Variants in DST observed in about 807,000 individuals in gnomAD.
DST encodes bullous pemphigoid antigen.
DST carries 253 observed loss-of-function variants against 875.2 expected under a neutral mutation model. The ratio of observed to expected loss-of-function variants is 0.29; its 90% confidence interval spans 0.26 to 0.32. DST has a LOEUF of 0.32. DST is among the 10% of genes least tolerant of loss of function. The probability of loss-of-function intolerance (pLI) is 1.00; values close to 1 mark genes in which losing one functional copy is unlikely to be tolerated. For synonymous variants in DST, 3,124 were observed against 3,197.1 expected (o/e 0.98, Z 0.77); for missense variants, 8,287 against 9,111.6 (o/e 0.91, Z 3.68).
At chr6:56,679,898 C>T (rs929040422) in intron 9 of DST, among the ~76,000 whole-genome samples, 38 of 152,192 alleles carry the variant, frequency 2.5e-4, no homozygotes, top group African/African-American at 8.2e-4. Flanking sequence ...AGTAAGAACC[C>T]CCTTCTGTCC....
intron 2 of DST, among the ~76,000 whole-genome samples, chr6:56,953,306 A>G (rs1163518536): frequency 6.6e-6 from 1 of 152,246 alleles, no homozygotes; most frequent in African/African-American, 2.4e-5. Flanking sequence ...ATCGCTTTGC[A>G]AAAATCATCA....
At chr6:56,525,217 G>A (rs2096776183) in intron 69 of DST, among the ~76,000 whole-genome samples, 2 of 152,016 alleles carry the variant, frequency 1.3e-5, no homozygotes, top group South Asian at 2.1e-4. Context: ...GTTGGGAAAC[G>A]TTCAAATACA....
rs747200323 is a variant in DST at position 56,634,549 on chromosome 6, A to C, written c.3407T>G (p.Ile1136Ser). Residue 1136 changes from isoleucine (I) to serine (S), a missense_variant, in exon 26 of 104, where the codon ATT becomes AGT. By Grantham distance (142) the Ile-to-Ser change is moderately radical (BLOSUM62 -2). Coordinates refer to ENST00000680361, the MANE Select transcript of DST (RefSeq NM_001374736.1). ...CATAGCCTCATTCCCAGTAGGACTA[A>C]TGACCTTCCATTTAGCACGATGAGA... ...NNSHRAKWKV[I>S]SPTGNEAMVP... is the part of the protein sequence containing the mutation. 4.3e-6 allele frequency: 7 copies of C among 1,614,194 alleles called. No homozygotes were observed. The highest frequency in any genetic ancestry group is 5.9e-6 in the Non-Finnish European group (7 of 1,180,024).
intron 4 of DST, among the ~76,000 whole-genome samples, chr6:56,764,190 G>A (rs1251956965): frequency 2.0e-5 from 3 of 151,646 alleles, no homozygotes; most frequent in Non-Finnish European, 4.4e-5. Flanking sequence ...GCCTAGACAA[G>A]GGCCTCTGTG....
intron 10 of DST, among the ~76,000 whole-genome samples, chr6:56,667,852 A>G (rs986814514): frequency 4.0e-5 from 6 of 150,240 alleles, no homozygotes; most frequent in Non-Finnish European, 8.8e-5. Context: ...CACATACACC[A>G]ATTTGTACTT....
chr6:56,871,361 T>A (rs1365790387), intron 3 of DST: 14 of 1,102,476 alleles, frequency 1.3e-5, no homozygotes, highest in Admixed American at 1.7e-5. Flanking sequence ...AGAAACAGTG[T>A]GTACCATTCC....
chr6:56,650,846 G>T, intron 12 of DST, 80 bp downstream of exon 12: 1 of 851,712 alleles, frequency 1.2e-6, no homozygotes, highest in Non-Finnish European at 1.9e-6. Context: ...TTCAAAAACT[G>T]CAAAAATCAT....
At chr6:56,528,274 T>C (rs776288316) in intron 67 of DST, among the ~76,000 whole-genome samples, 2 of 152,138 alleles carry the variant, frequency 1.3e-5, no homozygotes, top group Non-Finnish European at 2.9e-5. Context: ...GCATAATGAA[T>C]GGTACTTGCC....
chr6:56,835,066 T>G (rs2099791966), intron 4 of DST, among the ~76,000 whole-genome samples: 1 of 152,208 alleles, frequency 6.6e-6, no homozygotes, highest in Non-Finnish European at 1.5e-5. Flanking sequence ...AAATGCATAT[T>G]GCTAAGTAAA....
At chr6:56,537,049 G>C (rs941115118) in intron 61 of DST, 109 bp from the exon 62 acceptor site, 6 of 943,770 alleles carry the variant, frequency 6.4e-6, no homozygotes, top group Non-Finnish European at 9.4e-6. Flanking sequence ...AATTATTACA[G>C]AGGTAAAGAT....
In DST at chr6:56,509,695, C is replaced by T. The variant is rs2096427791; in HGVS notation, c.18959G>A (p.Gly6320Glu). 1 of 1,613,762 alleles carries T rather than the reference C, an allele frequency of 6.2e-7. No individual in the cohort carries two copies. The highest frequency in any genetic ancestry group is 1.1e-5 in the South Asian group (1 of 91,070). The part of the protein sequence containing the change: ...QPLYETLKQR[G>E]EEMIARSGGT... ...CCCAGATCTAGCAATCATTTCCTCT[C>T]CCCTCTGTTTAAGAGTTTCATACAA... Residue 6320 changes from glycine (G) to glutamate (E), a missense_variant, in exon 74 of 104, where the codon GGA (glycine) becomes GAA (glutamate). By Grantham distance (98) the Gly-to-Glu change is moderately conservative. Around this residue, in one of 10 missense-constraint regions of DST, gnomAD observed 1,292 missense variants for 1,552.7 expected, o/e 0.83. Transcript: ENST00000680361.
intron 4 of DST, among the ~76,000 whole-genome samples, chr6:56,785,113 G>A (rs1201515767): frequency 3.3e-5 from 5 of 152,320 alleles, no homozygotes; most frequent in East Asian, 3.9e-4. Flanking sequence ...GTACCCGGCC[G>A]TGCGAGGTGT....
intron 5 of DST, among the ~76,000 whole-genome samples, chr6:56,719,475 G>C (rs1471205124): frequency 6.6e-6 from 1 of 152,184 alleles, no homozygotes; most frequent in Non-Finnish European, 1.5e-5. Flanking sequence ...AGATTAATCT[G>C]AGTGATAAAG....
At chr6:56,645,824 C>CT in intron 15 of DST, 42 bp downstream of exon 15, 1 of 1,603,656 alleles carries the variant, frequency 6.2e-7, no homozygotes, top group Non-Finnish European at 8.5e-7. Context: ...CAAAGGCCCC[C>CT]TCCCCACTTG....
intron 49 of DST, among the ~76,000 whole-genome samples, chr6:56,586,482 A>T (rs2098152458): frequency 6.6e-6 from 1 of 151,424 alleles, no homozygotes; most frequent in Non-Finnish European, 1.5e-5. Flanking sequence ...TTTTGAGCCT[A>T]TGTGTGTCTC....
chr6:56,697,497 C>T (rs4074102), intron 9 of DST, among the ~76,000 whole-genome samples: 22,452 of 151,974 alleles, frequency 0.15, 2,138 homozygotes, highest in Non-Finnish European at 0.22. Flanking sequence ...GTCCTGTCAC[C>T]GAAAAAGATT....
intron 4 of DST, among the ~76,000 whole-genome samples, chr6:56,784,094 G>A (rs1007396181): frequency 6.6e-6 from 1 of 152,064 alleles, no homozygotes; most frequent in African/African-American, 2.4e-5. Context: ...CGAGAGATCT[G>A]CTGTTAGTCT....
chr6:56,896,794 C>T lies in DST; in HGVS notation c.417+3627G>A, dbSNP rs572287857. Among the ~76,000 whole-genome samples, 4 of 152,294 alleles carry T rather than the reference C, an allele frequency of 2.6e-5. No individual in the cohort carries two copies. In the East Asian group the frequency reaches 7.7e-4, roughly 29 times the overall value. ...GAACTGTCTATTCATGTCCTTAGCCCACTTTCTGATGGGACTGTTTGTTTT... is the reference window on the plus strand; with the variant it reads ...GAACTGTCTATTCATGTCCTTAGCCTACTTTCTGATGGGACTGTTTGTTTT... On this transcript the variant is annotated intron_variant, in intron 3 of 103. Transcript: ENST00000680361.
intron 4 of DST, among the ~76,000 whole-genome samples, chr6:56,756,183 G>A (rs773688795): frequency 6.6e-6 from 1 of 152,220 alleles, no homozygotes; most frequent in South Asian, 2.1e-4. Flanking sequence ...ATCTGGTACC[G>A]TGTAAAGGAG....
Sources: allele counts gnomAD v4.1 joint callset (sites outside exome capture counted in the v4.1 genomes callset), GRCh38; gene constraint gnomAD v4.1.1; regional missense constraint gnomAD v4.1.1; transcripts MANE v1.5; gene names NCBI Gene and HGNC (gene_info 2026-07-23, HGNC 2026-07-21).